The following FHIT variants were observed in gnomAD, a reference collection of about 807,000 sequenced individuals.
The protein encoded by FHIT is bis(5'-adenosyl)-triphosphatase.
FHIT carries 19 observed loss-of-function variants against 17.9 expected under a neutral mutation model. The observed-to-expected ratio is 1.06, with a 90% CI of 0.74 to 1.56. The LOEUF is 1.56. FHIT is among the 40% of genes most tolerant of loss of function. FHIT has a pLI of 0.00. For synonymous variants in FHIT, 81 were observed against 69.7 expected, an observed-to-expected ratio of 1.16 and a Z score of -0.81; for missense variants, 248 against 189.2, an observed-to-expected ratio of 1.31 and a Z score of -1.82.
At position 60,522,028 on chromosome 3, in the gene FHIT, G is replaced by C. The variant is rs908163891; in HGVS notation, c.103+14832C>G. ...GGAGGAAAACCAGGGACCCTGTGTA[G>C]GTCAGAGGGTGGCAGGTGAAGGTCA... is the stretch of plus-strand genomic sequence containing the variant. On this transcript the variant is annotated intron_variant, in intron 5 of 9. Coordinates refer to ENST00000492590, the MANE Select transcript of FHIT (RefSeq NM_002012.4). Among the ~76,000 whole-genome samples the C allele has an allele frequency of 2.0e-5, 3 of 152,130 alleles. No individual in the cohort carries two copies. In the South Asian group the frequency reaches 6.2e-4, roughly 32 times the overall value.
intron 4 of FHIT, among the ~76,000 whole-genome samples, chr3:60,587,806 T>C (rs1186918788): frequency 2.0e-5 from 3 of 152,042 alleles, no homozygotes; most frequent in African/African-American, 4.8e-5. Flanking sequence ...CCTCTGACCA[T>C]GGTAACATCG....
At chr3:60,493,986 A>G (rs1262922265) in intron 5 of FHIT, among the ~76,000 whole-genome samples, 1 of 152,126 alleles carries the variant, frequency 6.6e-6, no homozygotes, top group Non-Finnish European at 1.5e-5. Flanking sequence ...AGAGGGAGGT[A>G]GACAAATTAC....
chr3:61,213,206 C>T (rs4688359), intron 1 of FHIT, among the ~76,000 whole-genome samples: 59,414 of 151,974 alleles, frequency 0.39, 11,922 homozygotes, highest in East Asian at 0.52. Flanking sequence ...AAGACACAGA[C>T]TGGCAAATTG....
intron 4 of FHIT, among the ~76,000 whole-genome samples, chr3:60,788,259 C>G (rs1700652811): frequency 6.6e-6 from 1 of 151,868 alleles, no homozygotes; most frequent in African/African-American, 2.4e-5. Flanking sequence ...CCACTGCACT[C>G]CAGCCTGGGC....
intron 3 of FHIT, among the ~76,000 whole-genome samples, chr3:60,931,830 T>C (rs571841486): frequency 6.6e-6 from 1 of 152,196 alleles, no homozygotes; most frequent in African/African-American, 2.4e-5. Flanking sequence ...AATTTCCCAG[T>C]GGATGCTAGA....
chr3:60,121,990 A>T (rs1162234944), intron 5 of FHIT, among the ~76,000 whole-genome samples: 1 of 152,148 alleles, frequency 6.6e-6, no homozygotes, highest in African/African-American at 2.4e-5. Context: ...GCTAAGTATA[A>T]TCTGCTTTCC....
At chr3:59,947,888 C>A (rs9815985) in intron 7 of FHIT, among the ~76,000 whole-genome samples, 121,015 of 152,132 alleles carry the variant, frequency 0.8, 48,381 homozygotes, top group East Asian at 0.95. Context: ...ATATAAAAGA[C>A]TCCTATATTA....
At chr3:59,885,554 T>C (rs2106976716) in intron 8 of FHIT, among the ~76,000 whole-genome samples, 1 of 152,204 alleles carries the variant, frequency 6.6e-6, no homozygotes, top group African/African-American at 2.4e-5. Context: ...GGATTTCGGT[T>C]TAGTAGAGTA....
At chr3:60,588,826 A>G (rs115566763) in intron 4 of FHIT, among the ~76,000 whole-genome samples, 1,775 of 152,014 alleles carry the variant, frequency 0.012, 29 homozygotes, top group African/African-American at 0.04. Context: ...GGTGATTGTA[A>G]TTTACACCAG....
chr3:60,439,185 G>A (rs1353912384), intron 5 of FHIT, among the ~76,000 whole-genome samples: 1 of 152,130 alleles, frequency 6.6e-6, no homozygotes, highest in Non-Finnish European at 1.5e-5. Flanking sequence ...CTGGTGCACA[G>A]TGGGTAACAT....
chr3:60,922,323 C>A (rs782145581), intron 3 of FHIT, among the ~76,000 whole-genome samples: 21 of 152,296 alleles, frequency 1.4e-4, no homozygotes, highest in Middle Eastern at 3.4e-3. Context: ...CGTGTTTAAA[C>A]TCTACAGTGT....
chr3:61,092,047 A>G (rs967742749), intron 2 of FHIT, among the ~76,000 whole-genome samples: 1 of 126,170 alleles, frequency 7.9e-6, no homozygotes, highest in Non-Finnish European at 1.6e-5. Flanking sequence ...AGCAACAACC[A>G]TTTTCCATCC....
chr3:60,164,565 C>A (rs1701077698), intron 5 of FHIT, among the ~76,000 whole-genome samples: 3 of 151,544 alleles, frequency 2.0e-5, no homozygotes, highest in Admixed American at 2.0e-4. Flanking sequence ...CTAACGCAGT[C>A]AGGGGGAGAT....
At chr3:60,534,576 G>A (rs751780659) in intron 5 of FHIT, among the ~76,000 whole-genome samples, 4 of 151,858 alleles carry the variant, frequency 2.6e-5, no homozygotes, top group Non-Finnish European at 4.4e-5. Context: ...CTGGCCCTGA[G>A]ACTGTTTTAA....
intron 7 of FHIT, among the ~76,000 whole-genome samples, chr3:59,972,922 T>G (rs961266713): frequency 6.6e-6 from 1 of 152,010 alleles, no homozygotes; most frequent in African/African-American, 2.4e-5. Flanking sequence ...CTCCCTCACT[T>G]CCGTATTTTT....
At chr3:60,095,759 T>A (rs1330694569) in intron 5 of FHIT, among the ~76,000 whole-genome samples, 1 of 152,172 alleles carries the variant, frequency 6.6e-6, no homozygotes, top group Non-Finnish European at 1.5e-5. Flanking sequence ...CAACAGCCTG[T>A]TCGTTCTGTA....
chr3:60,888,335 G>A (rs1234760488), intron 3 of FHIT, among the ~76,000 whole-genome samples: 5 of 152,152 alleles, frequency 3.3e-5, no homozygotes, highest in Non-Finnish European at 7.3e-5. Context: ...GCAAGGTGGC[G>A]AGGATACAAG....
intron 3 of FHIT, among the ~76,000 whole-genome samples, chr3:60,983,561 G>A (rs1449916780): frequency 2.0e-5 from 3 of 152,168 alleles, no homozygotes; most frequent in Non-Finnish European, 4.4e-5. Context: ...TGACTTGAGA[G>A]AATGGGAGCA....
intron 5 of FHIT, among the ~76,000 whole-genome samples, chr3:60,183,521 C>G (rs750978886): frequency 6.6e-6 from 1 of 152,042 alleles, no homozygotes; most frequent in Non-Finnish European, 1.5e-5. Context: ...TGACAGTGTC[C>G]CTCAATCAGA....
Sources: gnomAD v4.1 joint callset for allele counts (sites outside exome capture counted in the v4.1 genomes callset) on GRCh38, gnomAD v4.1.1 for gene constraint, MANE v1.5 for transcripts, NCBI Gene and HGNC (gene_info 2026-07-23, HGNC 2026-07-21) for gene names.